Variants in INPP5A observed in about 807,000 individuals in gnomAD.
The protein encoded by INPP5A is 43 kDa inositol polyphosphate 5-phophatase.
Under a neutral mutation model 65.2 loss-of-function variants are expected in INPP5A, and 14 were observed. The observed-to-expected ratio is 0.21, with a 90% CI of 0.14 to 0.34. The LOEUF (loss-of-function observed/expected upper bound fraction) is 0.34. Among genes scored for constraint, INPP5A ranks in the 10% least tolerant of loss-of-function variants. INPP5A has a pLI of 1.00. For missense variants in INPP5A, 431 were observed against 545.6 expected (o/e 0.79, Z 2.09); for synonymous variants, 207 against 208.3 (o/e 0.99, Z 0.05).
intron 2 of INPP5A, among the ~76,000 whole-genome samples, chr10:132,619,259 A>G (rs1294028745): frequency 2.0e-5 from 3 of 152,262 alleles, no homozygotes; most frequent in Non-Finnish European, 4.4e-5. Context: ...GCCAAAAGAA[A>G]TGGGCTATAG....
chr10:132,725,043 C>CG lies in INPP5A; in HGVS notation c.648-1777dup, dbSNP rs1260610281. Among the ~76,000 whole-genome samples the CG allele has an allele frequency of 2.0e-5, 3 of 150,576 alleles. No homozygotes were observed. In the East Asian group the frequency reaches 5.9e-4, roughly 30 times the overall value. ...GGGGCCCCAGGCCAGCAGGAGCACA[C>CG]GCCATATTCACCGCAGATGGGGGTT... On this transcript the variant is annotated intron_variant, in intron 8 of 15. Coordinates refer to ENST00000368594, the MANE Select transcript of INPP5A (RefSeq NM_005539.5).
At chr10:132,748,787 G>A (rs764399883) in intron 9 of INPP5A, among the ~76,000 whole-genome samples, 1 of 152,156 alleles carries the variant, frequency 6.6e-6, no homozygotes, top group African/African-American at 2.4e-5. Flanking sequence ...CCCGTAGCTG[G>A]TCAGGCCAGT....
At chr10:132,586,331 G>A (rs1429464157) in intron 1 of INPP5A, among the ~76,000 whole-genome samples, 4 of 152,242 alleles carry the variant, frequency 2.6e-5, no homozygotes, top group Admixed American at 2.0e-4. Context: ...CTTGGCACAC[G>A]TTTGGTTTTT....
intron 2 of INPP5A, among the ~76,000 whole-genome samples, chr10:132,633,811 T>C (rs1293821219): frequency 6.6e-6 from 1 of 152,176 alleles, no homozygotes; most frequent in Non-Finnish European, 1.5e-5. Context: ...CCTACAGAGT[T>C]AGTTAAACAG....
chr10:132,782,619 T>C lies in INPP5A; in HGVS notation c.*590T>C, dbSNP rs1847187208. On this transcript the variant is annotated 3_prime_UTR_variant, in exon 16 of 16. Coordinates refer to ENST00000368594, the MANE Select transcript of INPP5A (RefSeq NM_005539.5). The surrounding 1 kb of genome is among the most constrained non-coding windows in gnomAD (Gnocchi z 4.4). ...ATATATATATAAATATATATAAATA[T>C]ATACTTTTTAAAAATAATTTATAAA... The C allele has an allele frequency of 6.7e-6, 1 of 150,328 alleles. No homozygotes were observed. Among genetic ancestry groups the C allele is most frequent in the Non-Finnish European group, 1.5e-5 (1 of 67,700 alleles). 9.3% of individuals were successfully genotyped at this position (150,328 alleles called of 1,614,324 possible).
At chr10:132,774,222 G>T (rs545261395) in intron 12 of INPP5A, among the ~76,000 whole-genome samples, 11 of 152,344 alleles carry the variant, frequency 7.2e-5, no homozygotes, top group Admixed American at 2.0e-4. Context: ...GGTGTCTGAA[G>T]CCAGCATTGC....
At position 132,762,925 on chromosome 10, in the gene INPP5A, G is replaced by T. The variant is rs1379952455; in HGVS notation, c.904-2848G>T. On this transcript the variant is annotated intron_variant, in intron 11 of 15. Coordinates refer to ENST00000368594, the MANE Select transcript of INPP5A (RefSeq NM_005539.5). The surrounding 1 kb of genome is among the most constrained non-coding windows in gnomAD (Gnocchi z 4.6). ...AATCACTTGAGCCCAGGAGGCAGAG[G>T]TTGCAGTGAGCCGAGATCACATCAC... 1.3e-5 allele frequency among the ~76,000 whole-genome samples: 2 copies of T among 152,166 alleles called. No homozygotes were observed.
rs761382889 is a variant in INPP5A, at chr10:132,650,373, G to T, written c.219-45G>T. 143 of 1,336,624 alleles carry T rather than the reference G, an allele frequency of 1.1e-4. No individual in the cohort carries two copies. The highest frequency in any genetic ancestry group is 7.2e-4 in the Admixed American group (43 of 59,548). 82.8% of individuals were successfully genotyped at this position (1,336,624 alleles called of 1,614,324 possible). A position where few individuals can be genotyped will look rare whatever the true frequency, so the allele number is the denominator to read the frequency against. ...TTGTGGTCATCTCATGAGGTGCAAG[G>T]CGTCTGTGTGGCTTTTCCTCAGGAA... On this transcript the variant is annotated intron_variant, in intron 3 of 15. Transcript: ENST00000368594. This position sits in a 1 kb window ranked among gnomAD's most constrained non-coding sequence, Gnocchi z 5.5.
intron 8 of INPP5A, among the ~76,000 whole-genome samples, chr10:132,712,666 A>C (rs979451780): frequency 2.8e-4 from 38 of 136,494 alleles, no homozygotes; most frequent in African/African-American, 9.7e-4. Flanking sequence ...GGGTATATGC[A>C]TGTGTGGGTG....
At chr10:132,633,147 T>C (rs556132951) in intron 2 of INPP5A, among the ~76,000 whole-genome samples, 4 of 152,260 alleles carry the variant, frequency 2.6e-5, no homozygotes, top group African/African-American at 9.6e-5. Context: ...CCTGGCTGCC[T>C]TTTGTGGTGG....
rs1024643522 is a variant in INPP5A, at chr10:132,551,824, G to A, written c.75+13653G>A. Among the ~76,000 whole-genome samples the A allele has an allele frequency of 1.3e-5, 2 of 152,190 alleles. No homozygotes were observed. The highest frequency in any genetic ancestry group is 2.9e-5 in the Non-Finnish European group (2 of 68,040). ...ACCAAGACTGTCAGAAGAGCCAGCC[G>A]GGGTCTTCTCTGAATAGTCGGCTGC... On this transcript the variant is annotated intron_variant, in intron 1 of 15. Coordinates refer to ENST00000368594, the MANE Select transcript of INPP5A (RefSeq NM_005539.5). This position sits in a 1 kb window ranked among gnomAD's most constrained non-coding sequence, Gnocchi z 5.3.
intron 6 of INPP5A, among the ~76,000 whole-genome samples, chr10:132,702,226 A>C (rs901125702): frequency 7.9e-5 from 12 of 152,234 alleles, no homozygotes; most frequent in African/African-American, 2.4e-4. Flanking sequence ...AAATTTTCTG[A>C]GATTCATTTG....
At chr10:132,652,768 G>T (rs1200885990) in intron 4 of INPP5A, among the ~76,000 whole-genome samples, 2 of 152,264 alleles carry the variant, frequency 1.3e-5, no homozygotes, top group Non-Finnish European at 2.9e-5. Context: ...GAAAGTAGGA[G>T]TGGCTGTCTG....
At chr10:132,654,230 G>T (rs1008088496) in intron 4 of INPP5A, among the ~76,000 whole-genome samples, 1 of 152,264 alleles carries the variant, frequency 6.6e-6, no homozygotes, top group African/African-American at 2.4e-5. Flanking sequence ...CTTCAGCTCA[G>T]TGGGCTCCAG....
intron 8 of INPP5A, among the ~76,000 whole-genome samples, chr10:132,712,397 G>GTGTGGGTGCACGAGTGCATACATA (rs1845655396): frequency 1.3e-5 from 2 of 151,956 alleles, no homozygotes; most frequent in African/African-American, 4.8e-5. Flanking sequence ...GTGTGTGCAT[G>GTGTGGGTGCACGAGTGCATACATA]TGTGGGTGCA....
At chr10:132,779,617 G>A (rs11146517) in intron 13 of INPP5A, among the ~76,000 whole-genome samples, 2 of 152,374 alleles carry the variant, frequency 1.3e-5, no homozygotes, top group East Asian at 3.9e-4. Flanking sequence ...GGGGGACAGA[G>A]CCTCACAACA....
At chr10:132,619,818 C>G (rs1043979114) in intron 2 of INPP5A, among the ~76,000 whole-genome samples, 4 of 152,180 alleles carry the variant, frequency 2.6e-5, no homozygotes, top group Non-Finnish European at 5.9e-5. Context: ...ACCACCACAC[C>G]TGGCTAATTT....
In INPP5A at chr10:132,616,307, AGT is replaced by A. The variant is rs2072032274; in HGVS notation, c.117+8355_117+8356del. The stretch of plus-strand genomic sequence containing the variant: ...GGGAGGACCACAGTGGCAGATGTGC[AGT>A]GTGGGGCATGTGGCGTGCAGGGACG... On this transcript the variant is annotated intron_variant, in intron 2 of 15. Transcript: ENST00000368594. This position sits in a 1 kb window ranked among gnomAD's most constrained non-coding sequence, Gnocchi z 4.9. Among the ~76,000 whole-genome samples, 2 of 152,194 alleles carry A rather than the reference AGT, an allele frequency of 1.3e-5. No individual in the cohort carries two copies. Among genetic ancestry groups the A allele is most frequent in the Admixed American group, 1.3e-4 (2 of 15,284 alleles).
chr10:132,755,506 GAGC>G (rs1378644968), intron 11 of INPP5A, among the ~76,000 whole-genome samples: 7 of 147,024 alleles, frequency 4.8e-5, no homozygotes, highest in African/African-American at 1.6e-4. Context: ...GTGTGCATGA[GAGC>G]AGGTGTGAGC....
Sources: gnomAD v4.1 joint callset for allele counts (sites outside exome capture counted in the v4.1 genomes callset) on GRCh38, gnomAD v4.1.1 for gene constraint, Gnocchi (gnomAD v3.1) non-coding constraint, MANE v1.5 for transcripts, NCBI Gene and HGNC (gene_info 2026-07-23, HGNC 2026-07-21) for gene names.